SMARCC1: variants seen among roughly 807,000 people sequenced by gnomAD.
The protein encoded by SMARCC1 is SWI/SNF related BAF chromatin remodeling complex subunit C1, also known as SWI/SNF complex subunit SMARCC1.
SMARCC1 carries 43 observed loss-of-function variants against 147.4 expected under a neutral mutation model. That is an observed-to-expected ratio of 0.29 (90% CI 0.23 to 0.38). The LOEUF is 0.38. Among genes scored for constraint, SMARCC1 ranks in the 10% least tolerant of loss-of-function variants. The pLI, the probability that SMARCC1 is intolerant of heterozygous loss-of-function variation, is 1.00. For synonymous variants in SMARCC1, 495 were observed against 484.4 expected (o/e 1.02, Z -0.29); for missense variants, 1,119 against 1,381.1 (o/e 0.81, Z 3.01).
chr3:47,679,130 CT>C (rs2033608405), intron 15 of SMARCC1, among the ~76,000 whole-genome samples: 1 of 151,282 alleles, frequency 6.6e-6, no homozygotes, highest in Non-Finnish European at 1.5e-5. Flanking sequence ...AGCAACAGTT[CT>C]TGGCACACAA....
chr3:47,676,785 A>G lies in SMARCC1; in HGVS notation c.1572-3T>C, dbSNP rs774058711. The stretch of plus-strand genomic sequence containing the variant: ...ACTGCTCTAAAAAGGCATGGACCCT[A>G]AAGAATAAAGCTCGGAAAGTTAAAA... On this transcript the variant is annotated splice_polypyrimidine_tract_variant and splice_region_variant and intron_variant, in intron 16 of 27. Transcript: ENST00000254480. 1 of 1,612,490 alleles carries G rather than the reference A, an allele frequency of 6.2e-7. No homozygotes were observed.
chr3:47,716,415 CAAAAAA>C lies in SMARCC1; in HGVS notation c.717-1931_717-1926del, dbSNP rs776727634. ...CCTGGGTGAGAGTGAGACTCCATCT[CAAAAAA>C]AAAAAAAAAAAAAAAAAACCCAACC... On this transcript the variant is annotated intron_variant, in intron 7 of 27. Coordinates refer to ENST00000254480, the MANE Select transcript of SMARCC1 (RefSeq NM_003074.4). 5.8e-5 allele frequency among the ~76,000 whole-genome samples: 3 copies of C among 51,946 alleles called. No individual in the cohort carries two copies. The South Asian group carries it at 2.6e-3, about 45-fold the overall frequency. The allele number at this position is 51,946 out of a possible 152,430, so 34.1% of individuals were successfully genotyped here. A position where few individuals can be genotyped will look rare whatever the true frequency, so the allele number is the denominator to read the frequency against.
chr3:47,681,890 T>C (rs930373880), intron 14 of SMARCC1, among the ~76,000 whole-genome samples: 2 of 152,090 alleles, frequency 1.3e-5, no homozygotes, highest in Admixed American at 1.3e-4. Context: ...AGGCCCACTT[T>C]TAAAAAAAAT....
At chr3:47,699,768 C>T (rs2033896069) in intron 11 of SMARCC1, among the ~76,000 whole-genome samples, 1 of 151,996 alleles carries the variant, frequency 6.6e-6, no homozygotes, top group African/African-American at 2.4e-5. Flanking sequence ...TGTTTAGTGC[C>T]ATATAAACCA....
intron 19 of SMARCC1, chr3:47,663,945 T>G (rs2033385768): frequency 3.7e-6 from 5 of 1,348,702 alleles, no homozygotes; most frequent in Non-Finnish European, 5.2e-6. Context: ...GCCCAGGGTC[T>G]GGCTTTGAAA....
chr3:47,627,255 G>C (rs1225098616), intron 24 of SMARCC1, among the ~76,000 whole-genome samples: 2 of 151,860 alleles, frequency 1.3e-5, no homozygotes, highest in African/African-American at 4.8e-5. Context: ...AAATAGTACT[G>C]AAGGTTGAAG....
At chr3:47,746,554 C>T (rs1461591509) in intron 2 of SMARCC1, 1 of 152,218 alleles carries the variant, frequency 6.6e-6, no homozygotes, top group Non-Finnish European at 1.5e-5. Flanking sequence ...GAAAGAATCA[C>T]TTGAGCACAG....
rs540946726 is a variant in SMARCC1, at chr3:47,638,024, T to C, written c.2376+701A>G. Among the ~76,000 whole-genome samples the C allele has an allele frequency of 3.9e-5, 6 of 152,332 alleles. No homozygotes were observed. In the South Asian group the frequency reaches 1.2e-3, roughly 32 times the overall value. ...GCCCTCATAGGAAATCACTTACTAT[T>C]CTGTCATTCTCTCCTGGCACAAGAA... On this transcript the variant is annotated intron_variant, in intron 22 of 27. Coordinates refer to ENST00000254480, the MANE Select transcript of SMARCC1 (RefSeq NM_003074.4).
chr3:47,627,451 G>A (rs1025443548), intron 24 of SMARCC1, among the ~76,000 whole-genome samples: 10 of 151,968 alleles, frequency 6.6e-5, no homozygotes, highest in African/African-American at 2.4e-4. Flanking sequence ...GCAACTATTA[G>A]GTTTTCAGGC....
rs908192553 is a variant in SMARCC1, at chr3:47,597,451, C to T, written c.3044-6614G>A. Among the ~76,000 whole-genome samples, 5 of 152,082 alleles carry T rather than the reference C, an allele frequency of 3.3e-5. No individual in the cohort carries two copies. In the South Asian group the frequency reaches 6.2e-4, roughly 19 times the overall value. On this transcript the variant is annotated intron_variant, in intron 26 of 27. Coordinates refer to ENST00000254480, the MANE Select transcript of SMARCC1 (RefSeq NM_003074.4). ...ATGCCATTCTCCTGCCGCAGCCTCC[C>T]GAGTAGCTAGGACTACAGGCACCCG...
At chr3:47,689,805 C>A (rs1442922936) in intron 12 of SMARCC1, among the ~76,000 whole-genome samples, 1 of 152,054 alleles carries the variant, frequency 6.6e-6, no homozygotes, top group Non-Finnish European at 1.5e-5. Flanking sequence ...AGTAAAAAAA[C>A]GGGTGATAAC....
intron 25 of SMARCC1, chr3:47,610,810 A>T (rs2032553938): frequency 6.0e-6 from 1 of 166,480 alleles, no homozygotes; most frequent in Admixed American, 5.5e-5. Flanking sequence ...TCTATTTTAG[A>T]ACATAACACC....
In SMARCC1 at chr3:47,625,504, G is replaced by A. The variant is rs575349124; in HGVS notation, c.2647-3163C>T. On this transcript the variant is annotated intron_variant, in intron 24 of 27. Coordinates refer to ENST00000254480, the MANE Select transcript of SMARCC1 (RefSeq NM_003074.4). ...CCTGTCTTGGCCTCCCCAAGTGCTG[G>A]GATTACCGGCATGAGCCACCGTGCC... 2.0e-5 allele frequency among the ~76,000 whole-genome samples: 3 copies of A among 151,940 alleles called. No individual in the cohort carries two copies. In the East Asian group the frequency reaches 5.8e-4, roughly 30 times the overall value.
chr3:47,768,140 ACT>A (rs1222615047), intron 2 of SMARCC1, among the ~76,000 whole-genome samples: 4 of 152,070 alleles, frequency 2.6e-5, no homozygotes, highest in African/African-American at 9.7e-5. Context: ...CCCAGCATAA[ACT>A]CTTATACCAT....
rs1383320565 is a variant in SMARCC1, at chr3:47,738,040, T to C, written c.472A>G (p.Thr158Ala). Residue 158 changes from threonine (T) to alanine (A), a missense_variant, in exon 4 of 28, where the codon ACA becomes GCA. Coordinates refer to ENST00000254480, the MANE Select transcript of SMARCC1 (RefSeq NM_003074.4). The stretch of plus-strand genomic sequence containing the variant: ...AGTTTCCAAGTTACCTGCACCAATG[T>C]TTTTTCAATGTTCATAAACATTTCC... ...NVEMFMNIEKTLVQNNCLTRP... is the reference protein window; with the variant it reads ...NVEMFMNIEKALVQNNCLTRP... 1.7e-5 allele frequency: 27 copies of C among 1,597,400 alleles called. No individual in the cohort carries two copies. Among genetic ancestry groups the C allele is most frequent in the Non-Finnish European group, 2.3e-5 (27 of 1,172,200 alleles).
chr3:47,774,105 T>C (rs1319607894), intron 1 of SMARCC1, among the ~76,000 whole-genome samples: 2 of 152,158 alleles, frequency 1.3e-5, no homozygotes, highest in Admixed American at 6.6e-5. Flanking sequence ...AAATATTTTT[T>C]AGATGAGTGG....
chr3:47,689,474 T>C, intron 12 of SMARCC1, 50 bp from the exon 13 acceptor site: 1 of 1,504,952 alleles, frequency 6.6e-7, no homozygotes. Context: ...AAATGTTCTT[T>C]GGGTTATTTG....
chr3:47,615,845 G>A (rs567755552), intron 25 of SMARCC1, among the ~76,000 whole-genome samples: 9 of 152,038 alleles, frequency 5.9e-5, no homozygotes, highest in East Asian at 5.8e-4. Flanking sequence ...CACCACGCCC[G>A]CCTAATTTTT....
In SMARCC1 at chr3:47,686,029, G is replaced by C. The variant is rs1340540156; in HGVS notation, c.1385+20C>G. The C allele has an allele frequency of 6.2e-7, 1 of 1,610,442 alleles. No individual in the cohort carries two copies. Among genetic ancestry groups the C allele is most frequent in the African/African-American group, 1.3e-5 (1 of 74,850 alleles). On this transcript the variant is annotated intron_variant, in intron 14 of 27. Coordinates refer to ENST00000254480, the MANE Select transcript of SMARCC1 (RefSeq NM_003074.4). ...TGTACTGCTCAGTACCATGCTCACA[G>C]ATGGAAGTGGTCCACTCACCAGTTA...
Sources: gnomAD v4.1 joint callset for allele counts (sites outside exome capture counted in the v4.1 genomes callset) on GRCh38, gnomAD v4.1.1 for gene constraint, MANE v1.5 for transcripts, NCBI Gene and HGNC (gene_info 2026-07-23, HGNC 2026-07-21) for gene names.